The following FAM193A variants were observed in gnomAD, a reference collection of about 807,000 sequenced individuals.
The protein encoded by FAM193A is protein FAM193A.
In FAM193A, 22 loss-of-function variants were observed where a neutral mutation model predicts 126.5. The ratio of observed to expected loss-of-function variants is 0.17; its 90% CI spans 0.12 to 0.25. The LOEUF is 0.25. FAM193A is among the 10% of genes least tolerant of loss of function. The probability of loss-of-function intolerance (pLI) is 1.00; values close to 1 mark genes in which losing one functional copy is unlikely to be tolerated. For missense variants in FAM193A, 1,675 were observed against 1,672.8 expected (o/e 1.00, Z -0.02); for synonymous variants, 761 against 646.8 (o/e 1.18, Z -2.68).
At chr4:2,660,656 A>T (rs1712324419) in intron 10 of FAM193A, among the ~76,000 whole-genome samples, 1 of 152,234 alleles carries the variant, frequency 6.6e-6, no homozygotes, top group Non-Finnish European at 1.5e-5. Flanking sequence ...GTTTACGTGT[A>T]TCGTAGAGCA....
chr4:2,621,803 G>T (rs987855384), intron 2 of FAM193A, among the ~76,000 whole-genome samples: 1 of 152,088 alleles, frequency 6.6e-6, no homozygotes, highest in African/African-American at 2.4e-5. Flanking sequence ...CGTGAACCTC[G>T]CTTGTTGAAG....
intron 5 of FAM193A, among the ~76,000 whole-genome samples, chr4:2,635,608 C>G (rs1744010772): frequency 6.6e-6 from 1 of 152,190 alleles, no homozygotes. Context: ...TCTTGGCTCA[C>G]TGAAACCTCT....
intron 20 of FAM193A, among the ~76,000 whole-genome samples, chr4:2,725,193 T>C (rs530189493): frequency 6.6e-6 from 1 of 152,152 alleles, no homozygotes; most frequent in East Asian, 1.9e-4. Context: ...CTCTATTTTT[T>C]AATTAAATTA....
Position 2,626,590 on chromosome 4 carries a change from CT to C in FAM193A, c.803+16del. On this transcript the variant is annotated intron_variant, in intron 4 of 20. Coordinates refer to ENST00000637812, the MANE Select transcript of FAM193A (RefSeq NM_001366318.2). ...AGCTCGTGGATAGGTACATACTGCCCTTTCCTGTTGTGGCCCCATGCAAACC... is the reference window on the plus strand; with the variant it reads ...AGCTCGTGGATAGGTACATACTGCCCTTCCTGTTGTGGCCCCATGCAAACC... 2 of 686,062 alleles carry C rather than the reference CT, an allele frequency of 2.9e-6. No individual in the cohort carries two copies. The highest frequency in any genetic ancestry group is 5.4e-6 in the Non-Finnish European group (2 of 372,162). 42.5% of individuals were successfully genotyped at this position (686,062 alleles called of 1,614,324 possible).
intron 1 of FAM193A, among the ~76,000 whole-genome samples, chr4:2,542,668 A>T (rs749887912): frequency 6.6e-6 from 1 of 152,182 alleles, no homozygotes; most frequent in African/African-American, 2.4e-5. Context: ...AACAGTATCA[A>T]CCAGAAACAG....
At chr4:2,555,711 G>A (rs1578587213) in intron 1 of FAM193A, among the ~76,000 whole-genome samples, 1 of 152,254 alleles carries the variant, frequency 6.6e-6, no homozygotes, top group East Asian at 1.9e-4. Context: ...TCTGCCTCCC[G>A]GGCTCACGCC....
intron 1 of FAM193A, among the ~76,000 whole-genome samples, chr4:2,588,648 C>T (rs1740364201): frequency 6.6e-6 from 1 of 152,138 alleles, no homozygotes; most frequent in African/African-American, 2.4e-5. Flanking sequence ...ATGCTACCTA[C>T]CTATTCCATG....
intron 15 of FAM193A, among the ~76,000 whole-genome samples, chr4:2,692,217 G>A (rs1370923285): frequency 6.6e-6 from 1 of 152,184 alleles, no homozygotes; most frequent in Non-Finnish European, 1.5e-5. Context: ...TACAATCATG[G>A]TGGAAAGCAC....
intron 17 of FAM193A, 114 bp downstream of exon 17, chr4:2,695,243 C>A: frequency 1.2e-6 from 1 of 821,528 alleles, no homozygotes; most frequent in Non-Finnish European, 1.7e-6. Context: ...TAGGGTATAT[C>A]CATTGTAAAG....
Position 2,690,815 on chromosome 4 carries a change from A to G in FAM193A, c.2648A>G (p.Lys883Arg). Residue 883 changes from lysine to arginine, a missense_variant, in exon 15 of 21, where the codon AAG becomes AGG. Coordinates refer to ENST00000637812, the MANE Select transcript of FAM193A (RefSeq NM_001366318.2). ...AAAGAGAAAAAGAATGCTGCAAAAA[A>G]GAAATGTTTATACAATTTCCAAGAT... ...DSKEKKNAAK[K>R]KCLYNFQDAF... 6.2e-7 allele frequency: 1 copy of G among 1,614,236 alleles called. No homozygotes were observed. Among genetic ancestry groups the G allele is most frequent in the Non-Finnish European group, 8.5e-7 (1 of 1,180,046 alleles).
intron 2 of FAM193A, among the ~76,000 whole-genome samples, chr4:2,610,361 T>C (rs1741792626): frequency 6.6e-6 from 1 of 152,274 alleles, no homozygotes; most frequent in Non-Finnish European, 1.5e-5. Context: ...AAGAGTTTGC[T>C]AGTATTGGTC....
At chr4:2,607,259 C>T (rs1741602025) in intron 2 of FAM193A, among the ~76,000 whole-genome samples, 1 of 152,196 alleles carries the variant, frequency 6.6e-6, no homozygotes, top group Non-Finnish European at 1.5e-5. Context: ...TTTTTCCCGC[C>T]TCACAGCTCT....
Position 2,650,317 on chromosome 4 carries a change from C to G in FAM193A, c.1311+3485C>G, listed in dbSNP as rs545193895. On this transcript the variant is annotated intron_variant, in intron 7 of 20. Transcript: ENST00000637812. ...TCTAGAGCACATCCCATGGCACCCA[C>G]GCAGGGTGGTTTATTGAGAGCACAG... Among the ~76,000 whole-genome samples, 9 of 152,276 alleles carry G rather than the reference C, an allele frequency of 5.9e-5. No individual in the cohort carries two copies. The East Asian group carries it at 1.7e-3, about 29-fold the overall frequency.
At chr4:2,553,004 T>C (rs1213070886) in intron 1 of FAM193A, among the ~76,000 whole-genome samples, 1 of 151,862 alleles carries the variant, frequency 6.6e-6, no homozygotes, top group Non-Finnish European at 1.5e-5. Flanking sequence ...CCCGCCACCA[T>C]GCTCAGTTAA....
chr4:2,635,918 A>G (rs1354162800), intron 5 of FAM193A, among the ~76,000 whole-genome samples: 1 of 152,140 alleles, frequency 6.6e-6, no homozygotes, highest in Non-Finnish European at 1.5e-5. Flanking sequence ...ATCTGCATTC[A>G]GTCTGTTGTC....
intron 5 of FAM193A, among the ~76,000 whole-genome samples, chr4:2,634,716 G>T (rs1247284155): frequency 6.6e-6 from 1 of 152,178 alleles, no homozygotes; most frequent in South Asian, 2.1e-4. Context: ...GCAAGGAAAC[G>T]TATCAGATTT....
chr4:2,668,785 CCTCTCTCTCTCTTT>C (rs1476605385), intron 12 of FAM193A, among the ~76,000 whole-genome samples: 3 of 150,964 alleles, frequency 2.0e-5, no homozygotes, highest in East Asian at 1.9e-4. Context: ...TTTTCCTTTT[CCTCTCTCTCTCTTT>C]CTCTCTCTCT....
intron 19 of FAM193A, chr4:2,708,105 G>T (rs1718513722): frequency 2.3e-6 from 1 of 443,360 alleles, no homozygotes; most frequent in Non-Finnish European, 4.5e-6. Flanking sequence ...ATTTGTGTAT[G>T]AAAGCTATTG....
At chr4:2,589,314 AG>A (rs948249008) in intron 1 of FAM193A, among the ~76,000 whole-genome samples, 1 of 152,230 alleles carries the variant, frequency 6.6e-6, no homozygotes, top group African/African-American at 2.4e-5. Context: ...GCCATTTAAT[AG>A]GGCAATTCAG....
Sources: gnomAD v4.1 joint callset for allele counts (sites outside exome capture counted in the v4.1 genomes callset) on GRCh38, gnomAD v4.1.1 for gene constraint, MANE v1.5 for transcripts, NCBI Gene and HGNC (gene_info 2026-07-23, HGNC 2026-07-21) for gene names.